PACSIN2: variants seen among roughly 807,000 people sequenced by gnomAD.
PACSIN2 encodes protein kinase C and casein kinase substrate in neurons protein 2.
A neutral mutation model predicts 63.8 loss-of-function variants in PACSIN2; 25 were observed. The observed-to-expected ratio is 0.39, with a 90% CI of 0.29 to 0.55. The LOEUF (loss-of-function observed/expected upper bound fraction) is 0.55. Ranked by LOEUF, PACSIN2 falls within the 20% of genes least tolerant of loss-of-function variation. PACSIN2 has a pLI of 0.62. For synonymous variants in PACSIN2, 255 were observed against 256.2 expected (o/e 1.00, Z 0.05); for missense variants, 518 against 646.9 (o/e 0.80, Z 2.16).
intron 1 of PACSIN2, among the ~76,000 whole-genome samples, chr22:42,919,596 A>G (rs1404458736): frequency 6.6e-6 from 1 of 151,888 alleles, no homozygotes; most frequent in Non-Finnish European, 1.5e-5. Flanking sequence ...AACATGGTGA[A>G]ACTGTGTCTC....
chr22:42,988,537 G>T (rs1485355475), intron 1 of PACSIN2, among the ~76,000 whole-genome samples: 1 of 152,194 alleles, frequency 6.6e-6, no homozygotes, highest in African/African-American at 2.4e-5. Flanking sequence ...CCAGGCTTAG[G>T]GTCCACTGGC....
intron 1 of PACSIN2, among the ~76,000 whole-genome samples, chr22:42,999,593 G>A (rs111358069): frequency 3.3e-5 from 5 of 152,300 alleles, no homozygotes; most frequent in African/African-American, 1.2e-4. Context: ...GCTTGAACCC[G>A]GGACGCGGAG....
chr22:42,908,572 G>A (rs1302529916), intron 2 of PACSIN2, among the ~76,000 whole-genome samples: 1 of 152,212 alleles, frequency 6.6e-6, no homozygotes, highest in Non-Finnish European at 1.5e-5. Flanking sequence ...GCTGCCCCAT[G>A]CCCTGCCGTG....
intron 1 of PACSIN2, among the ~76,000 whole-genome samples, chr22:42,971,622 C>G (rs1227085990): frequency 6.6e-6 from 1 of 152,054 alleles, no homozygotes; most frequent in Non-Finnish European, 1.5e-5. Context: ...CCAACCGCCA[C>G]CATGTCTGGG....
rs930305481 is a variant in PACSIN2, at chr22:42,965,925, AATC to A, written c.-78+49093_-78+49095del. 4.7e-4 allele frequency among the ~76,000 whole-genome samples: 46 copies of A among 98,704 alleles called. No homozygotes were observed. The East Asian group carries it at 0.017, about 36-fold the overall frequency. The allele number at this position is 98,704 out of a possible 152,430, so 64.8% of individuals were successfully genotyped here. ...CTACTATAATCATAAATAAATAAAT[AATC>A]ATAAATAAATAAATAATCATAAATA... On this transcript the variant is annotated intron_variant, in intron 1 of 10. Coordinates refer to ENST00000263246, the MANE Select transcript of PACSIN2 (RefSeq NM_001184970.3).
intron 9 of PACSIN2, 71 bp downstream of exon 9, chr22:42,876,817 C>T: frequency 6.3e-7 from 1 of 1,579,454 alleles, no homozygotes; most frequent in South Asian, 1.1e-5. Flanking sequence ...GGGGTGAGAC[C>T]CCTGGACAGA....
intron 1 of PACSIN2, among the ~76,000 whole-genome samples, chr22:42,983,485 A>ATG: frequency 1.2e-5 from 1 of 85,346 alleles, no homozygotes; most frequent in African/African-American, 3.3e-5. Context: ...GTGAGACTCC[A>ATG]TCTCAAAAAA....
intron 7 of PACSIN2, among the ~76,000 whole-genome samples, chr22:42,880,325 T>C (rs1028689263): frequency 1.3e-5 from 2 of 152,362 alleles, no homozygotes; most frequent in Non-Finnish European, 2.9e-5. Context: ...TTTTCATCTA[T>C]TAATTATTTT....
chr22:42,945,131 C>T (rs1044837552), intron 1 of PACSIN2, among the ~76,000 whole-genome samples: 2 of 151,490 alleles, frequency 1.3e-5, no homozygotes, highest in Non-Finnish European at 2.9e-5. Context: ...GCTGTGTCAT[C>T]TCCGTATCCC....
At chr22:42,887,227 C>G (rs1483917291) in intron 5 of PACSIN2, among the ~76,000 whole-genome samples, 1 of 152,242 alleles carries the variant, frequency 6.6e-6, no homozygotes, top group Non-Finnish European at 1.5e-5. Flanking sequence ...CCAGAGGATT[C>G]TGACACTTGG....
At chr22:42,935,970 T>C (rs1932904003) in intron 1 of PACSIN2, among the ~76,000 whole-genome samples, 1 of 151,988 alleles carries the variant, frequency 6.6e-6, no homozygotes, top group Admixed American at 6.6e-5. Flanking sequence ...TCCCAGCACT[T>C]TGGGAGGCCG....
intron 1 of PACSIN2, among the ~76,000 whole-genome samples, chr22:42,925,592 T>C (rs965436688): frequency 3.3e-5 from 5 of 152,050 alleles, no homozygotes; most frequent in African/African-American, 1.2e-4. Flanking sequence ...GCTTTGTAAA[T>C]TGCTGGATGA....
rs548464362 is a variant in PACSIN2, at chr22:42,968,285, C to CT, written c.-78+46735dup. ...CAAAGGAAGAGTTCAAGTCTGCCAC[C>CT]TTTTTTTTCATAGTCCCTAATAACC... is the stretch of plus-strand genomic sequence containing the variant. On this transcript the variant is annotated intron_variant, in intron 1 of 10. Coordinates refer to ENST00000263246, the MANE Select transcript of PACSIN2 (RefSeq NM_001184970.3). Among the ~76,000 whole-genome samples the CT allele has an allele frequency of 1.3e-3, 200 of 152,200 alleles. 1 individual carries two copies. Among genetic ancestry groups the CT allele is most frequent in the African/African-American group, 4.4e-3 (182 of 41,524 alleles).
At chr22:42,899,391 G>A (rs745960579) in intron 2 of PACSIN2, among the ~76,000 whole-genome samples, 13 of 152,082 alleles carry the variant, frequency 8.5e-5, no homozygotes, top group African/African-American at 2.4e-4. Context: ...GGGTTTAAGC[G>A]ATTTTCCTGC....
At chr22:42,932,060 C>T (rs1253484522) in intron 1 of PACSIN2, among the ~76,000 whole-genome samples, 1 of 152,172 alleles carries the variant, frequency 6.6e-6, no homozygotes, top group Non-Finnish European at 1.5e-5. Context: ...TCAACCCTAA[C>T]TCCTCCGCTG....
At chr22:42,992,322 C>T (rs777617793) in intron 1 of PACSIN2, among the ~76,000 whole-genome samples, 5 of 152,192 alleles carry the variant, frequency 3.3e-5, no homozygotes, top group East Asian at 3.8e-4. Context: ...TGGTGATGCG[C>T]GCAAAGCACT....
At chr22:42,885,703 C>G (rs992147238) in intron 5 of PACSIN2, among the ~76,000 whole-genome samples, 2 of 152,206 alleles carry the variant, frequency 1.3e-5, no homozygotes, top group African/African-American at 4.8e-5. Context: ...TCCCCAGCCT[C>G]GTGAGACCAG....
rs59476361 is a variant in PACSIN2, at chr22:42,985,067, G to A, written c.-78+29954C>T. 0.039 allele frequency among the ~76,000 whole-genome samples: 6,013 copies of A among 152,266 alleles called. 753 individuals carry two copies. The East Asian group carries it at 0.48, about 12-fold the overall frequency. ...GTATGGGCTGGGTGTGGTGGCTCAC[G>A]CCTGTAATCTCAGCACTTTGGGAGG... On this transcript the variant is annotated intron_variant, in intron 1 of 10. Coordinates refer to ENST00000263246, the MANE Select transcript of PACSIN2 (RefSeq NM_001184970.3).
At chr22:42,929,027 G>A (rs1330988667) in intron 1 of PACSIN2, among the ~76,000 whole-genome samples, 1 of 152,220 alleles carries the variant, frequency 6.6e-6, no homozygotes, top group Non-Finnish European at 1.5e-5. Context: ...GGAGATTATG[G>A]AAGAATAAAC....
Sources: gnomAD v4.1 joint callset for allele counts (sites outside exome capture counted in the v4.1 genomes callset) on GRCh38, gnomAD v4.1.1 for gene constraint, MANE v1.5 for transcripts, NCBI Gene and HGNC (gene_info 2026-07-23, HGNC 2026-07-21) for gene names.